The following CHEK2 variants were observed in gnomAD, a reference collection of about 807,000 sequenced individuals.
The protein encoded by CHEK2 is checkpoint kinase 2, also known as serine/threonine-protein kinase Chk2.
CHEK2 carries 71 observed loss-of-function variants against 69.1 expected under a neutral mutation model. The ratio of observed to expected loss-of-function variants is 1.03; its 90% CI spans 0.85 to 1.25. The LOEUF (loss-of-function observed/expected upper bound fraction) is 1.25. Among genes scored for constraint, CHEK2 ranks in the 50% most tolerant of loss-of-function variants. The pLI is 0.00. For synonymous variants in CHEK2, 189 were observed against 226.9 expected (o/e 0.83, Z 1.50); for missense variants, 664 against 649.6 (o/e 1.02, Z -0.24).
At chr22:28,718,024 T>C (rs565802754) in intron 5 of CHEK2, among the ~76,000 whole-genome samples, 1 of 152,166 alleles carries the variant, frequency 6.6e-6, no homozygotes, top group African/African-American at 2.4e-5. Flanking sequence ...GAGGTTGCAG[T>C]GGGCCAAGAT....
rs1175088679 is a variant in CHEK2 at position 28,695,764 on chromosome 22, G to A, written c.1205C>T (p.Ala402Val). 6.2e-7 allele frequency: 1 copy of A among 1,613,716 alleles called. No individual in the cohort carries two copies. Among genetic ancestry groups the A allele is most frequent in the Non-Finnish European group, 8.5e-7 (1 of 1,179,654 alleles). The change falls in exon 11 of 15, where the codon GCT becomes GTT. Residue 402 changes from alanine (A) to valine (V), a missense_variant. By Grantham distance (64) the Ala-to-Val change is moderately conservative (BLOSUM62 0). Transcript: ENST00000404276. ...APEVLVSVGT[A>V]GYNRAVDCWS... The stretch of plus-strand genomic sequence containing the variant: ...GCAGTCCACAGCACGGTTATACCCA[G>A]CAGTCCCAACAGAAACAAGAACTTC...
chr22:28,708,831 T>C, intron 7 of CHEK2: 1 of 234,650 alleles, frequency 4.3e-6, no homozygotes, highest in Non-Finnish European at 8.6e-6. Context: ...GGCGTGGTGG[T>C]GTGCCCAGCT....
At chr22:28,701,770 GGA>G (rs2052859327) in intron 8 of CHEK2, among the ~76,000 whole-genome samples, 2 of 152,064 alleles carry the variant, frequency 1.3e-5, no homozygotes, top group South Asian at 4.2e-4. Context: ...ACCTGGTCCT[GGA>G]TTGAAAGGAC....
Position 28,734,657 on chromosome 22 carries a change from T to C in CHEK2, c.65A>G (p.His22Arg), listed in dbSNP as rs1601853800. Residue 22 changes from histidine to arginine, a missense_variant, in exon 2 of 15, where the codon CAT becomes CGT. By Grantham distance (29) the His-to-Arg change is conservative (BLOSUM62 0). Coordinates refer to ENST00000404276, the MANE Select transcript of CHEK2 (RefSeq NM_007194.4). ...SHGSSACSQP[H>R]GSVTQSQGSS... ...GCCTTGGGACTGGGTAACGCTGCCA[T>C]GGGGCTGTGAACAGGCACTGCTGCC... 2 of 1,613,922 alleles carry C rather than the reference T, an allele frequency of 1.2e-6. No individual in the cohort carries two copies. The highest frequency in any genetic ancestry group is 8.5e-7 in the Non-Finnish European group (1 of 1,180,006).
At chr22:28,733,827 G>A (rs370365821) in intron 2 of CHEK2, among the ~76,000 whole-genome samples, 2 of 151,440 alleles carry the variant, frequency 1.3e-5, no homozygotes, top group East Asian at 3.9e-4. Flanking sequence ...TCTGAGACAG[G>A]AGAATCGCTT....
chr22:28,694,257 A>C, intron 12 of CHEK2, 140 bp from the exon 13 acceptor site: 1 of 691,702 alleles, frequency 1.4e-6, no homozygotes, highest in South Asian at 1.4e-5. Flanking sequence ...GGGCCCCCTA[A>C]TCTTCCTCAC....
chr22:28,724,781 G>A (rs1440347846), intron 4 of CHEK2, 196 bp downstream of exon 4: 1 of 643,788 alleles, frequency 1.6e-6, no homozygotes, highest in Non-Finnish European at 2.9e-6. Flanking sequence ...GGTCAGGCTG[G>A]TCTCGAACTC....
chr22:28,701,849 T>C (rs1161084457), intron 8 of CHEK2, among the ~76,000 whole-genome samples: 1 of 152,198 alleles, frequency 6.6e-6, no homozygotes, highest in African/African-American at 2.4e-5. Flanking sequence ...CCATGGGGAA[T>C]TGGTTCCAGG....
intron 1 of CHEK2, 122 bp from the exon 2 acceptor site, chr22:28,734,849 A>G (rs1331839783): frequency 5.0e-6 from 4 of 798,074 alleles, no homozygotes; most frequent in Non-Finnish European, 8.0e-6. Flanking sequence ...CAGGGCAAAC[A>G]TGCTCTCCAA....
intron 4 of CHEK2, 109 bp downstream of exon 4, chr22:28,724,868 T>C (rs1231109699): frequency 1.7e-6 from 2 of 1,185,226 alleles, no homozygotes; most frequent in South Asian, 2.5e-5. Context: ...GCCCAGCAAC[T>C]TACTCATCTT....
chr22:28,707,137 C>A (rs2053183593), intron 7 of CHEK2, among the ~76,000 whole-genome samples: 1 of 152,092 alleles, frequency 6.6e-6, no homozygotes, highest in Non-Finnish European at 1.5e-5. Flanking sequence ...TCCGCTACCT[C>A]CAGGGTCACT....
In CHEK2 at chr22:28,689,173, C is replaced by CCT. The variant is rs587782707; in HGVS notation, c.1502_1503dup (p.Glu502ArgfsTer12). ...TGGGGTAGAGCTGTGGATTCATTTT[C>CCT]CTCAGACAGAAGATCTTGAAACTTT... On this transcript the variant is annotated frameshift_variant, in exon 14 of 15. Transcript: ENST00000404276. LOFTEE classifies it high-confidence loss of function. The CCT allele has an allele frequency of 1.3e-6, 2 of 1,595,160 alleles. No homozygotes were observed. Among genetic ancestry groups the CCT allele is most frequent in the African/African-American group, 2.7e-5 (2 of 74,816 alleles).
At chr22:28,717,383 GA>G (rs1441210977) in intron 5 of CHEK2, among the ~76,000 whole-genome samples, 1 of 151,644 alleles carries the variant, frequency 6.6e-6, no homozygotes, top group Non-Finnish European at 1.5e-5. Flanking sequence ...ATCTCAAGAA[GA>G]AAAAAATAAA....
intron 2 of CHEK2, among the ~76,000 whole-genome samples, chr22:28,733,922 CA>C (rs545037765): frequency 0.014 from 1,166 of 83,986 alleles, 12 homozygotes; most frequent in East Asian, 0.081. Flanking sequence ...ACTCCGTTGC[CA>C]AAAAAAAAAA....
chr22:28,697,084 C>A, intron 9 of CHEK2, 97 bp from the exon 10 acceptor site: 1 of 782,118 alleles, frequency 1.3e-6, no homozygotes, highest in South Asian at 1.4e-5. Context: ...TGGGTGAAAC[C>A]GTAAGCCGTG....
At chr22:28,706,786 G>A (rs996981277) in intron 7 of CHEK2, among the ~76,000 whole-genome samples, 1 of 152,170 alleles carries the variant, frequency 6.6e-6, no homozygotes, top group Non-Finnish European at 1.5e-5. Context: ...GAGCCTGGTG[G>A]TGGGCGCCTG....
chr22:28,735,183 G>C (rs2054361177), intron 1 of CHEK2, among the ~76,000 whole-genome samples: 1 of 152,088 alleles, frequency 6.6e-6, no homozygotes, highest in Non-Finnish European at 1.5e-5. Flanking sequence ...AAGACGGGCA[G>C]ATCATGAGGT....
chr22:28,708,952 CAAA>C (rs374623367), intron 7 of CHEK2: 5,274 of 324,840 alleles, frequency 0.016, 9 homozygotes, highest in South Asian at 0.028. Flanking sequence ...GCCTCCGTCT[CAAA>C]AAAAAAAAAA....
At chr22:28,696,424 A>G (rs1168292362) in intron 10 of CHEK2, among the ~76,000 whole-genome samples, 6 of 152,326 alleles carry the variant, frequency 3.9e-5, no homozygotes, top group Admixed American at 1.3e-4. Context: ...CACAGGCTGG[A>G]GTGCAGTGGT....
Sources: gnomAD v4.1 joint callset for allele counts (sites outside exome capture counted in the v4.1 genomes callset) on GRCh38, gnomAD v4.1.1 for gene constraint, MANE v1.5 for transcripts, NCBI Gene and HGNC (gene_info 2026-07-23, HGNC 2026-07-21) for gene names.